Variants in PTPRM observed in about 807,000 individuals in gnomAD.
PTPRM encodes receptor-type tyrosine-protein phosphatase mu.
A neutral mutation model predicts 186.7 loss-of-function variants in PTPRM; 47 were observed. That is an observed-to-expected ratio of 0.25 (90% CI 0.20 to 0.32). The LOEUF is 0.32. Ranked by LOEUF, PTPRM falls within the 10% of genes least tolerant of loss-of-function variation. The pLI is 1.00. For synonymous variants in PTPRM, 668 were observed against 674.9 expected, an observed-to-expected ratio of 0.99 and a Z score of 0.16; for missense variants, 1,494 against 1,865.0, an observed-to-expected ratio of 0.80 and a Z score of 3.66.
intron 1 of PTPRM, among the ~76,000 whole-genome samples, chr18:7,637,389 G>A (rs2038342995): frequency 6.6e-6 from 1 of 152,142 alleles, no homozygotes; most frequent in South Asian, 2.1e-4. Flanking sequence ...ATAATTGCAT[G>A]TTATGATATT....
chr18:8,280,066 G>T (rs1412595608), intron 19 of PTPRM, among the ~76,000 whole-genome samples: 1 of 151,974 alleles, frequency 6.6e-6, no homozygotes, highest in African/African-American at 2.4e-5. Flanking sequence ...AGTGGGAAGT[G>T]TACGCATCTG....
At chr18:7,673,056 A>G (rs1347776359) in intron 1 of PTPRM, among the ~76,000 whole-genome samples, 2 of 152,190 alleles carry the variant, frequency 1.3e-5, no homozygotes, top group Admixed American at 6.5e-5. Context: ...ACCTATATCA[A>G]TGCTGCTAAA....
At chr18:8,249,182 T>TTGGAAAG (rs2094504762) in intron 17 of PTPRM, among the ~76,000 whole-genome samples, 1 of 152,198 alleles carries the variant, frequency 6.6e-6, no homozygotes, top group African/African-American at 2.4e-5. Context: ...AGGGTTTATA[T>TTGGAAAG]CTTTCCAACA....
chr18:8,295,540 C>CCT (rs1433235744), intron 19 of PTPRM, among the ~76,000 whole-genome samples: 1 of 152,144 alleles, frequency 6.6e-6, no homozygotes, highest in Non-Finnish European at 1.5e-5. Context: ...TTCCTCTTTC[C>CCT]CTCTCTCTTC....
Position 7,734,894 on chromosome 18 carries a change from G to C in PTPRM, c.74-39255G>C, listed in dbSNP as rs998269750. On this transcript the variant is annotated intron_variant, in intron 1 of 32. Transcript: ENST00000580170. The stretch of plus-strand genomic sequence containing the variant: ...TCCTCTCTTAGTTTCAGTGCCACTT[G>C]ATAGTATGGACAGATAAAACTCCAC... Among the ~76,000 whole-genome samples, 3 of 151,990 alleles carry C rather than the reference G, an allele frequency of 2.0e-5. No homozygotes were observed. In the South Asian group the frequency reaches 6.2e-4, roughly 32 times the overall value.
intron 2 of PTPRM, among the ~76,000 whole-genome samples, chr18:7,782,411 C>T (rs2042899896): frequency 6.6e-6 from 1 of 152,112 alleles, no homozygotes; most frequent in African/African-American, 2.4e-5. Flanking sequence ...TGGTGTTTTC[C>T]TCCTTTTAAA....
intron 7 of PTPRM, among the ~76,000 whole-genome samples, chr18:8,042,984 C>T (rs2086789275): frequency 6.6e-6 from 1 of 152,136 alleles, no homozygotes; most frequent in Admixed American, 6.5e-5. Context: ...CCTACAGCTG[C>T]TTATTGTGTC....
chr18:8,238,466 A>G (rs1031369714), intron 14 of PTPRM, among the ~76,000 whole-genome samples: 9 of 151,844 alleles, frequency 5.9e-5, no homozygotes, highest in African/African-American at 2.2e-4. Context: ...CTTTCTTAGA[A>G]TTTCCATCTC....
chr18:8,295,486 C>T (rs1031208855), intron 19 of PTPRM, among the ~76,000 whole-genome samples: 10 of 152,102 alleles, frequency 6.6e-5, no homozygotes, highest in Admixed American at 5.9e-4. Context: ...GGCCCCAAAG[C>T]GTTCCCAAAT....
intron 4 of PTPRM, among the ~76,000 whole-genome samples, chr18:7,910,250 C>G (rs1203279876): frequency 6.6e-6 from 1 of 152,140 alleles, no homozygotes; most frequent in East Asian, 1.9e-4. Flanking sequence ...TCAACATCCC[C>G]CAAAAGACCC....
At chr18:8,209,319 A>G (rs1485166495) in intron 14 of PTPRM, among the ~76,000 whole-genome samples, 2 of 152,122 alleles carry the variant, frequency 1.3e-5, no homozygotes, top group African/African-American at 2.4e-5. Flanking sequence ...TGGTAGCAGG[A>G]GAGAGATGGG....
At position 8,103,545 on chromosome 18, in the gene PTPRM, G is replaced by A. The variant is rs188365731; in HGVS notation, c.1857-9941G>A. 8.3e-4 allele frequency among the ~76,000 whole-genome samples: 126 copies of A among 152,318 alleles called. 2 individuals are homozygous for A. The East Asian group carries it at 0.02, about 25-fold the overall frequency. ...TTCCTCACCTCCCTCAGCCTTCATA[G>A]AATTGAAGAAAGTTAGGGTCTTGCT... On this transcript the variant is annotated intron_variant, in intron 11 of 32. Transcript: ENST00000580170.
At chr18:8,247,059 GA>G (rs1568596809) in intron 15 of PTPRM, among the ~76,000 whole-genome samples, 1 of 151,930 alleles carries the variant, frequency 6.6e-6, no homozygotes, top group African/African-American at 2.4e-5. Context: ...ATACTTTAAT[GA>G]AATTAAACTG....
At chr18:7,677,302 T>G (rs993811171) in intron 1 of PTPRM, among the ~76,000 whole-genome samples, 1 of 152,218 alleles carries the variant, frequency 6.6e-6, no homozygotes. Flanking sequence ...GGGAAGTATT[T>G]TACTTTTCAG....
chr18:7,711,547 C>G (rs1335670538), intron 1 of PTPRM, among the ~76,000 whole-genome samples: 1 of 152,194 alleles, frequency 6.6e-6, no homozygotes, highest in Non-Finnish European at 1.5e-5. Flanking sequence ...CAGTGGATCC[C>G]ACCTCCACAG....
intron 7 of PTPRM, among the ~76,000 whole-genome samples, chr18:8,029,616 T>A (rs2085821877): frequency 6.6e-6 from 1 of 152,246 alleles, no homozygotes; most frequent in East Asian, 1.9e-4. Flanking sequence ...CTCTTTTGTA[T>A]CTTGTATATG....
chr18:7,932,489 G>A (rs2051549045), intron 5 of PTPRM, among the ~76,000 whole-genome samples: 1 of 152,090 alleles, frequency 6.6e-6, no homozygotes, highest in African/African-American at 2.4e-5. Flanking sequence ...ATTATTGAAA[G>A]TCAGTTTTAT....
At chr18:8,380,248 T>C (rs757546431) in intron 28 of PTPRM, 48 bp from the exon 29 acceptor site, 1 of 1,587,390 alleles carries the variant, frequency 6.3e-7, no homozygotes, top group Non-Finnish European at 8.6e-7. Context: ...GCTTCTTCTC[T>C]TCCCATTTTC....
chr18:8,300,849 G>A (rs539844554), intron 20 of PTPRM, among the ~76,000 whole-genome samples: 10 of 152,088 alleles, frequency 6.6e-5, no homozygotes, highest in Admixed American at 1.3e-4. Context: ...CTTCCATGGC[G>A]TCCTGAAGCC....
Sources: allele counts gnomAD v4.1 joint callset (sites outside exome capture counted in the v4.1 genomes callset), GRCh38; gene constraint gnomAD v4.1.1; transcripts MANE v1.5; gene names NCBI Gene and HGNC (gene_info 2026-07-23, HGNC 2026-07-21).